FAHD2B: variants seen among roughly 807,000 people sequenced by gnomAD.
FAHD2B encodes the protein fumarylacetoacetate hydrolase domain containing 2B.
A neutral mutation model predicts 33.7 loss-of-function variants in FAHD2B; 26 were observed. The observed-to-expected ratio is 0.77, with a 90% CI of 0.57 to 1.07. The LOEUF is 1.07. Ranked by LOEUF, FAHD2B falls within the 50% of genes least tolerant of loss-of-function variation. FAHD2B has a pLI of 0.00. For synonymous variants in FAHD2B, 108 were observed against 150.9 expected (o/e 0.72, Z 2.08); for missense variants, 272 against 388.1 (o/e 0.70, Z 2.51).
downstream of FAHD2B, chr2:97,082,095 C>T (rs1453759156): frequency 7.6e-6 from 12 of 1,583,558 alleles, no homozygotes; most frequent in African/African-American, 1.5e-5. Context: ...TCAAAGAGAC[C>T]GAGGGCCAGT....
At chr2:97,092,841 C>T (rs1189139913) in intron 1 of FAHD2B, among the ~76,000 whole-genome samples, 3 of 151,298 alleles carry the variant, frequency 2.0e-5, no homozygotes, top group African/African-American at 4.9e-5. Flanking sequence ...GGACTGGTGG[C>T]GGGCACCTGT....
At chr2:97,093,857 G>A (rs1268426500) in intron 1 of FAHD2B, among the ~76,000 whole-genome samples, 1 of 152,088 alleles carries the variant, frequency 6.6e-6, no homozygotes, top group Non-Finnish European at 1.5e-5. Flanking sequence ...AGCGGTTAAG[G>A]GATTTGCCCA....
At chr2:97,090,564 G>C (rs1411677527) in intron 3 of FAHD2B, among the ~76,000 whole-genome samples, 1 of 152,030 alleles carries the variant, frequency 6.6e-6, no homozygotes, top group Non-Finnish European at 1.5e-5. Context: ...CCATGTAAAA[G>C]ATACAAACTG....
intron 6 of FAHD2B, 88 bp from the exon 7 acceptor site, chr2:97,084,365 G>A (rs772059406): frequency 7.2e-5 from 109 of 1,506,556 alleles, no homozygotes; most frequent in Middle Eastern, 2.4e-4. Context: ...GGGGCGCTTC[G>A]TGACTTGGCA....
At chr2:97,082,481 C>T, downstream of FAHD2B, 1 of 1,612,756 alleles carries the variant, frequency 6.2e-7, no homozygotes, top group African/African-American at 1.3e-5. Context: ...CTCAACCAGT[C>T]AGCCCAGGCT....
Position 97,091,402 on chromosome 2 carries a change from C to T in FAHD2B, c.245+60G>A, listed in dbSNP as rs566352923. 35 of 1,478,086 alleles carry T rather than the reference C, an allele frequency of 2.4e-5. 1 individual carries two copies. Among genetic ancestry groups the T allele is most frequent in the South Asian group, 2.2e-4 (16 of 72,490 alleles). The allele number at this position is 1,478,086 out of a possible 1,614,324, so 91.6% of individuals were successfully genotyped here. On this transcript the variant is annotated intron_variant, in intron 3 of 8. Transcript: ENST00000414820. ...TACCTGCTGGTGCTGTTTCCCAGAG[C>T]GGGGAGGGTGCAGGGGGACCAGGGC...
rs780936470 is a variant in FAHD2B at position 97,091,615 on chromosome 2, T to G, written c.92A>C (p.Gln31Pro). The G allele has an allele frequency of 1.2e-6, 2 of 1,613,946 alleles. No individual in the cohort carries two copies. The highest frequency in any genetic ancestry group is 8.5e-7 in the Non-Finnish European group (1 of 1,180,008). The change falls in exon 3 of 9, where the codon CAG (glutamine) becomes CCG (proline). Residue 31 changes from glutamine to proline, a missense_variant. Gln to Pro is a moderately conservative substitution (Grantham distance 76, BLOSUM62 -1). Transcript: ENST00000414820. Reference sequence around the variant, plus strand: ...CCCCACCAGGTGGGGTGCCCGGAACTGCACTAGTCTCATGTCTCTGGAGGG... The same window carrying G: ...CCCCACCAGGTGGGGTGCCCGGAACGGCACTAGTCTCATGTCTCTGGAGGG... The part of the protein sequence containing the change: ...FQPSRDMRLV[Q>P]FRAPHLVGPH...
Position 97,083,746 on chromosome 2 carries a change from C to G in FAHD2B, c.*9G>C, listed in dbSNP as rs1469022556. 24 of 1,614,096 alleles carry G rather than the reference C, an allele frequency of 1.5e-5. No individual in the cohort carries two copies. Among genetic ancestry groups the G allele is most frequent in the Non-Finnish European group, 2.0e-5 (24 of 1,180,038 alleles). On this transcript the variant is annotated 3_prime_UTR_variant, in exon 9 of 9. Coordinates refer to ENST00000414820, the MANE Select transcript of FAHD2B (RefSeq NM_001320848.2). Reference sequence around the variant, plus strand: ...GCCCTCATCCTATGTCGGGCCTGTGCAGGAGCCATCACACCACCTTGTTGA... The same window carrying G: ...GCCCTCATCCTATGTCGGGCCTGTGGAGGAGCCATCACACCACCTTGTTGA...
chr2:97,081,129 C>T (rs1411924380), downstream of FAHD2B: 8 of 1,491,908 alleles, frequency 5.4e-6, no homozygotes, highest in East Asian at 2.3e-5. Flanking sequence ...TGCTGGCAGG[C>T]AGAGTGCCGC....
chr2:97,082,448 G>A, downstream of FAHD2B: 3 of 1,613,322 alleles, frequency 1.9e-6, no homozygotes, highest in Non-Finnish European at 2.5e-6. Flanking sequence ...CCACCGCCCA[G>A]GAAGAAGGGA....
chr2:97,090,443 C>G (rs1191182986), intron 3 of FAHD2B, 118 bp from the exon 4 acceptor site: 11 of 1,464,048 alleles, frequency 7.5e-6, no homozygotes, highest in Non-Finnish European at 7.2e-6. Flanking sequence ...TTTCCTAGCT[C>G]TATCAACCAT....
intron 4 of FAHD2B, chr2:97,086,889 G>A (rs1175027732): frequency 1.3e-5 from 2 of 152,204 alleles, no homozygotes; most frequent in East Asian, 1.9e-4. Context: ...TGGCCAGAAA[G>A]CAAATATATG....
intron 8 of FAHD2B, 32 bp downstream of exon 8, chr2:97,083,916 G>C (rs1314754577): frequency 6.2e-7 from 1 of 1,613,834 alleles, no homozygotes; most frequent in Non-Finnish European, 8.5e-7. Context: ...GGCCTTTGGG[G>C]CCCTTGCTCT....
Position 97,085,846 on chromosome 2 carries a change from C to T in FAHD2B, c.538G>A (p.Ala180Thr). 6.2e-7 allele frequency: 1 copy of T among 1,613,880 alleles called. No homozygotes were observed. The highest frequency in any genetic ancestry group is 8.5e-7 in the Non-Finnish European group (1 of 1,179,862). ...GKHIKATDAMAHVAGFTVAHD... is the reference protein window; with the variant it reads ...GKHIKATDAMTHVAGFTVAHD... ...GCCACAGTGAAGCCGGCCACGTGGGCCATGGCATCTGTGGCCTATGGGGGC... is the reference window on the plus strand; with the variant it reads ...GCCACAGTGAAGCCGGCCACGTGGGTCATGGCATCTGTGGCCTATGGGGGC... The change falls in exon 6 of 9, where the codon GCC becomes ACC. Residue 180 changes from alanine to threonine, a missense_variant. Transcript: ENST00000414820.
At chr2:97,085,982 G>A (rs1305033006) in intron 5 of FAHD2B, 121 bp from the exon 6 acceptor site, 7 of 1,432,394 alleles carry the variant, frequency 4.9e-6, no homozygotes, top group African/African-American at 1.4e-5. Flanking sequence ...AAAGGTGGGT[G>A]AAGGGAAAGG....
rs923249411 is a variant in FAHD2B at position 97,091,752 on chromosome 2, C to A, written c.-6-40G>T. 3 of 1,578,790 alleles carry A rather than the reference C, an allele frequency of 1.9e-6. No homozygotes were observed. In the African/African-American group the frequency reaches 4.1e-5, roughly 21 times the overall value. Reference sequence around the variant, plus strand: ...ACAGGATCCAGGAGATGGAGGATCTCAGAGCCATCATCAGCATCCCTGATA... The same window carrying A: ...ACAGGATCCAGGAGATGGAGGATCTAAGAGCCATCATCAGCATCCCTGATA... On this transcript the variant is annotated intron_variant, in intron 2 of 8. Transcript: ENST00000414820.
At chr2:97,089,451 G>A (rs1457687478) in intron 4 of FAHD2B, among the ~76,000 whole-genome samples, 7 of 144,524 alleles carry the variant, frequency 4.8e-5, no homozygotes, top group African/African-American at 1.0e-4. Flanking sequence ...CCCAGGAGGC[G>A]GAGGTTGCAG....
At chr2:97,083,273 A>T, downstream of FAHD2B, 2 of 1,604,190 alleles carry the variant, frequency 1.2e-6, no homozygotes, top group Non-Finnish European at 1.7e-6. Context: ...TGTGAGGAGG[A>T]GCCTGTGCTG....
At chr2:97,087,161 C>G (rs1317692210) in intron 4 of FAHD2B, among the ~76,000 whole-genome samples, 1 of 151,986 alleles carries the variant, frequency 6.6e-6, no homozygotes, top group Non-Finnish European at 1.5e-5. Flanking sequence ...ACACCATTCT[C>G]TCGCCTCAGC....
Sources: allele counts gnomAD v4.1 joint callset (sites outside exome capture counted in the v4.1 genomes callset), GRCh38; gene constraint gnomAD v4.1.1; transcripts MANE v1.5; gene names NCBI Gene and HGNC (gene_info 2026-07-23, HGNC 2026-07-21).